SHMT1: variants seen among roughly 807,000 people sequenced by gnomAD.
SHMT1 encodes serine hydroxymethyltransferase, cytosolic.
In SHMT1, 45 loss-of-function variants were observed where a neutral mutation model predicts 49.0. The ratio of observed to expected loss-of-function variants is 0.92; its 90% CI spans 0.72 to 1.18. The LOEUF (loss-of-function observed/expected upper bound fraction) is 1.18. SHMT1 is among the 50% of genes most tolerant of loss of function. SHMT1 has a pLI of 0.00. For synonymous variants in SHMT1, 232 were observed against 246.6 expected (o/e 0.94, Z 0.55); for missense variants, 541 against 612.4 (o/e 0.88, Z 1.23).
chr17:18,361,448 A>C (rs1163871484), intron 1 of SHMT1, among the ~76,000 whole-genome samples: 1 of 150,844 alleles, frequency 6.6e-6, no homozygotes, highest in Non-Finnish European at 1.5e-5. Context: ...ACTGCACTCC[A>C]GCCTGGGTGA....
At chr17:18,350,036 G>T (rs1271334266) in intron 3 of SHMT1, among the ~76,000 whole-genome samples, 1 of 148,646 alleles carries the variant, frequency 6.7e-6, no homozygotes, top group Non-Finnish European at 1.5e-5. Flanking sequence ...AATAAAAATA[G>T]ATAAAAAATA....
At chr17:18,352,915 A>G (rs1240537541) in intron 3 of SHMT1, among the ~76,000 whole-genome samples, 1 of 152,100 alleles carries the variant, frequency 6.6e-6, no homozygotes, top group Non-Finnish European at 1.5e-5. Flanking sequence ...GAAAGGAGAG[A>G]GAGAAATAAA....
rs1984383119 is a variant in SHMT1, at chr17:18,340,533, C to G, written c.601+199G>C. On this transcript the variant is annotated intron_variant, in intron 6 of 11. Transcript: ENST00000316694. The surrounding 1 kb of genome is among the most constrained non-coding windows in gnomAD (Gnocchi z 4.5). ...TGCTTCTCTGAGAACAGTCTCACAT[C>G]TTAATCTACATAGCACAAAAAGCAG... The G allele has an allele frequency of 1.4e-6, 1 of 692,034 alleles. No individual in the cohort carries two copies. 42.9% of individuals were successfully genotyped at this position (692,034 alleles called of 1,614,324 possible).
intron 10 of SHMT1, among the ~76,000 whole-genome samples, chr17:18,329,742 A>C (rs1006879367): frequency 1.3e-5 from 2 of 152,090 alleles, no homozygotes; most frequent in Non-Finnish European, 2.9e-5. Context: ...TCATCTGATG[A>C]ATGTACCACC....
chr17:18,328,476 A>G lies in SHMT1; in HGVS notation c.*274T>C, dbSNP rs1982798370. On this transcript the variant is annotated 3_prime_UTR_variant, in exon 12 of 12. Coordinates refer to ENST00000316694, the MANE Select transcript of SHMT1 (RefSeq NM_004169.5). ...TAAATGATTATGACCAAGTGGCGAC[A>G]TAGTATTTTATTTTCCTAGAATTAT... 1 of 482,968 alleles carries G rather than the reference A, an allele frequency of 2.1e-6. No individual in the cohort carries two copies. Among genetic ancestry groups the G allele is most frequent in the Non-Finnish European group, 3.8e-6 (1 of 264,764 alleles). The allele number at this position is 482,968 out of a possible 1,614,324, so 29.9% of individuals were successfully genotyped here. A position where few individuals can be genotyped will look rare whatever the true frequency, so the allele number is the denominator to read the frequency against.
At position 18,355,898 on chromosome 17, in the gene SHMT1, G is replaced by A. The variant is rs1986190829; in HGVS notation, c.84C>T (p.Asp28=). 1 of 1,613,056 alleles carries A rather than the reference G, an allele frequency of 6.2e-7. No homozygotes were observed. The change falls in exon 2 of 12, where the codon GAC becomes GAT. Residue 28 remains aspartate, a synonymous_variant. Coordinates refer to ENST00000316694, the MANE Select transcript of SHMT1 (RefSeq NM_004169.5). ...HDKMLAQPLK[D]SDVEVYNIIK... Reference sequence around the variant, plus strand: ...CCAAAAATCTCACCTCAACATCACTGTCTTTGAGGGGTTGTGCCAGCATCT... The same window carrying A: ...CCAAAAATCTCACCTCAACATCACTATCTTTGAGGGGTTGTGCCAGCATCT...
At chr17:18,329,423 A>G in intron 10 of SHMT1, 35 bp from the exon 11 acceptor site, 1 of 1,516,224 alleles carries the variant, frequency 6.6e-7, no homozygotes, top group Non-Finnish European at 9.1e-7. Context: ...CCTAAGTCAC[A>G]TTGTCACCAC....
Position 18,339,049 on chromosome 17 carries a change from TAAAAAAAAA to T in SHMT1, c.814+985_814+993del, listed in dbSNP as rs34704448. Among the ~76,000 whole-genome samples the T allele has an allele frequency of 1.5e-3, 41 of 26,870 alleles. 1 individual carries two copies. Among genetic ancestry groups the T allele is most frequent in the African/African-American group, 6.7e-3 (38 of 5,632 alleles). 17.6% of individuals were successfully genotyped at this position (26,870 alleles called of 152,430 possible). The stretch of plus-strand genomic sequence containing the variant: ...ACACCCAAGAATGATCAATAAATAC[TAAAAAAAAA>T]AAAAAAAAAAAAAAAAAAAAAGAGT... On this transcript the variant is annotated intron_variant, in intron 7 of 11. Transcript: ENST00000316694.
Position 18,328,065 on chromosome 17 carries a change from T to A in SHMT1, c.*685A>T, listed in dbSNP as rs1982756852. 6.6e-6 allele frequency: 1 copy of A among 152,498 alleles called. No homozygotes were observed. Among genetic ancestry groups the A allele is most frequent in the East Asian group, 1.9e-4 (1 of 5,198 alleles). 9.4% of individuals were successfully genotyped at this position (152,498 alleles called of 1,614,324 possible). On this transcript the variant is annotated 3_prime_UTR_variant, in exon 12 of 12. Coordinates refer to ENST00000316694, the MANE Select transcript of SHMT1 (RefSeq NM_004169.5). ...TTTCTTTGGGAAGGTGACATTTGGC[T>A]TCCTGATTACGGGAGGGAGTTGGTT...
intron 5 of SHMT1, among the ~76,000 whole-genome samples, chr17:18,344,577 G>GAAAAAAAAAAAAA (rs10655994): frequency 1.5e-5 from 1 of 65,384 alleles, no homozygotes; most frequent in African/African-American, 6.0e-5. Context: ...ACAATTACCG[G>GAAAAAAAAAAAAA]AAAAAAAAAA....
At chr17:18,356,558 A>T (rs1986259860) in intron 1 of SHMT1, among the ~76,000 whole-genome samples, 1 of 143,230 alleles carries the variant, frequency 7.0e-6, no homozygotes, top group Admixed American at 7.0e-5. Flanking sequence ...CTGGTCTTGA[A>T]CTCCTCTCAA....
At chr17:18,360,279 A>C (rs1298147213) in intron 1 of SHMT1, 1 of 152,088 alleles carries the variant, frequency 6.6e-6, no homozygotes, top group African/African-American at 2.4e-5. Context: ...ACACAAGGCC[A>C]GGCATGGTTG....
intron 10 of SHMT1, 53 bp downstream of exon 10, chr17:18,330,502 A>G: frequency 7.7e-7 from 1 of 1,290,860 alleles, no homozygotes; most frequent in Non-Finnish European, 1.1e-6. Flanking sequence ...AACTTTGGCC[A>G]GAAGAAATGC....
At chr17:18,332,199 T>C (rs1038044567) in intron 9 of SHMT1, 3 of 152,292 alleles carry the variant, frequency 2.0e-5, no homozygotes, top group African/African-American at 7.2e-5. Flanking sequence ...CTTCTTGAGC[T>C]TTATTATTTG....
chr17:18,348,505 C>T (rs1567786219), intron 3 of SHMT1, 65 bp from the exon 4 acceptor site: 2 of 1,181,472 alleles, frequency 1.7e-6, no homozygotes, highest in Non-Finnish European at 1.3e-6. Context: ...TCACAGAGGC[C>T]AAAGAAGCTT....
At chr17:18,357,790 G>A (rs1025752626) in intron 1 of SHMT1, among the ~76,000 whole-genome samples, 9 of 151,772 alleles carry the variant, frequency 5.9e-5, no homozygotes, top group Admixed American at 1.3e-4. Context: ...GACCAGCCTG[G>A]GCATTGCTAC....
intron 3 of SHMT1, among the ~76,000 whole-genome samples, chr17:18,349,808 G>A (rs958078961): frequency 3.3e-5 from 5 of 151,672 alleles, no homozygotes; most frequent in Admixed American, 1.3e-4. Context: ...ATCACCTGAC[G>A]TCAGGAGTTC....
chr17:18,347,920 T>G (rs565857335), intron 4 of SHMT1, among the ~76,000 whole-genome samples: 40 of 150,782 alleles, frequency 2.7e-4, no homozygotes, highest in Non-Finnish European at 5.0e-4. Context: ...GGCAGTTTTT[T>G]TTTTTTTTTT....
chr17:18,349,968 C>T (rs1039245916), intron 3 of SHMT1, among the ~76,000 whole-genome samples: 3 of 151,072 alleles, frequency 2.0e-5, no homozygotes, highest in Admixed American at 1.3e-4. Flanking sequence ...TGCGGTGAGC[C>T]GAGATTGTAC....
Sources: gnomAD v4.1 joint callset for allele counts (sites outside exome capture counted in the v4.1 genomes callset) on GRCh38, gnomAD v4.1.1 for gene constraint, Gnocchi (gnomAD v3.1) non-coding constraint, MANE v1.5 for transcripts, NCBI Gene and HGNC (gene_info 2026-07-23, HGNC 2026-07-21) for gene names.